The following MKLN1 variants were observed in gnomAD, a reference collection of about 807,000 sequenced individuals.
MKLN1 encodes muskelin 1, also known as muskelin.
In MKLN1, 18 loss-of-function variants were observed where a neutral mutation model predicts 99.0. The ratio of observed to expected loss-of-function variants is 0.18; its 90% CI spans 0.13 to 0.27. The LOEUF (loss-of-function observed/expected upper bound fraction) is 0.27. MKLN1 is among the 10% of genes least tolerant of loss of function. MKLN1 has a pLI of 1.00. For missense variants in MKLN1, 621 were observed against 875.9 expected, an observed-to-expected ratio of 0.71 and a Z score of 3.67; for synonymous variants, 288 against 293.2, an observed-to-expected ratio of 0.98 and a Z score of 0.18.
chr7:131,270,501 C>A (rs35722043), intron 3 of MKLN1, among the ~76,000 whole-genome samples: 57,928 of 152,096 alleles, frequency 0.38, 12,795 homozygotes, highest in African/African-American at 0.61. Flanking sequence ...GATTATAGGC[C>A]TGAGCCACCG....
At chr7:131,228,493 C>A (rs888882573) in intron 3 of MKLN1, among the ~76,000 whole-genome samples, 1 of 152,206 alleles carries the variant, frequency 6.6e-6, no homozygotes, top group Admixed American at 6.5e-5. Context: ...TGGAGTCAGG[C>A]AGATTTGGGT....
intron 1 of MKLN1, among the ~76,000 whole-genome samples, chr7:131,349,372 T>A (rs1799654250): frequency 6.6e-6 from 1 of 152,120 alleles, no homozygotes; most frequent in South Asian, 2.1e-4. Flanking sequence ...ATTTTTTGTA[T>A]TTTTAGTAGA....
Position 131,309,432 on chromosome 7 carries a change from C to T in MKLN1, c.-178-65992C>T, listed in dbSNP as rs949936246. On this transcript the variant is annotated intron_variant, in intron 3 of 7. Transcript: ENST00000416992. The stretch of plus-strand genomic sequence containing the variant: ...ATTTTTTTTTTTGGAGGCAGTTTCA[C>T]TCTTGTCACCCATGCTGGAGTGCAA... Among the ~76,000 whole-genome samples, 10 of 151,932 alleles carry T rather than the reference C, an allele frequency of 6.6e-5. 1 individual carries two copies. The South Asian group carries it at 2.1e-3, about 32-fold the overall frequency.
chr7:131,236,514 A>T (rs1004230894), intron 3 of MKLN1, among the ~76,000 whole-genome samples: 8 of 152,154 alleles, frequency 5.3e-5, no homozygotes, highest in African/African-American at 1.9e-4. Flanking sequence ...TACAAAAATT[A>T]GCTGGGCATG....
At chr7:131,262,625 A>T (rs1797749189) in intron 3 of MKLN1, among the ~76,000 whole-genome samples, 1 of 151,202 alleles carries the variant, frequency 6.6e-6, no homozygotes, top group Admixed American at 6.6e-5. Context: ...ATCTCCGCTC[A>T]CTGCAACCTC....
At chr7:131,122,419 T>C (rs1324297088) in intron 1 of MKLN1, among the ~76,000 whole-genome samples, 1 of 152,208 alleles carries the variant, frequency 6.6e-6, no homozygotes, top group African/African-American at 2.4e-5. Flanking sequence ...AGAAAACATT[T>C]TGAGAAGTGA....
intron 3 of MKLN1, among the ~76,000 whole-genome samples, chr7:131,279,890 C>T (rs2116576018): frequency 6.6e-6 from 1 of 152,252 alleles, no homozygotes; most frequent in East Asian, 1.9e-4. Flanking sequence ...TCACAACTAT[C>T]TAATTTTACA....
rs1797472343 is a variant in MKLN1, at chr7:131,493,286, G to T, written c.*5558G>T. 6.6e-6 allele frequency: 1 copy of T among 152,116 alleles called. No individual in the cohort carries two copies. Among genetic ancestry groups the T allele is most frequent in the Non-Finnish European group, 1.5e-5 (1 of 68,032 alleles). 9.4% of individuals were successfully genotyped at this position (152,116 alleles called of 1,614,324 possible). On this transcript the variant is annotated 3_prime_UTR_variant, in exon 18 of 18. Coordinates refer to ENST00000352689, the MANE Select transcript of MKLN1 (RefSeq NM_013255.5). ...CAAAGTCCTATTTTGCTTATCTAAGGCATTTTGACTTGGAAGTATTAAACT... is the reference window on the plus strand; with the variant it reads ...CAAAGTCCTATTTTGCTTATCTAAGTCATTTTGACTTGGAAGTATTAAACT...
intron 16 of MKLN1, 143 bp from the exon 17 acceptor site, chr7:131,478,480 A>G: frequency 2.9e-6 from 2 of 679,930 alleles, no homozygotes; most frequent in Non-Finnish European, 4.3e-6. Context: ...TCTTGCCACT[A>G]TTTGGTGAAT....
rs556008009 is a variant in MKLN1 at position 131,157,014 on chromosome 7, G to A, written c.-297+14073G>A. 1.1e-4 allele frequency among the ~76,000 whole-genome samples: 16 copies of A among 152,200 alleles called. No homozygotes were observed. The South Asian group carries it at 2.9e-3, about 28-fold the overall frequency. ...TCAAGCCTCAACTGTCATTGTCGCC[G>A]CTACTGAGGGTTGCTGTGGTTGTCT... On this transcript the variant is annotated intron_variant, in intron 2 of 7. Transcript: ENST00000416992.
chr7:131,154,330 C>T (rs1795933776), intron 2 of MKLN1, among the ~76,000 whole-genome samples: 1 of 152,138 alleles, frequency 6.6e-6, no homozygotes, highest in African/African-American at 2.4e-5. Flanking sequence ...GATCCACCCG[C>T]CTTGGCCTCC....
At chr7:131,372,721 GTTT>G (rs551063120) in intron 1 of MKLN1, among the ~76,000 whole-genome samples, 5 of 130,562 alleles carry the variant, frequency 3.8e-5, no homozygotes, top group Non-Finnish European at 3.3e-5. Context: ...TATCCCCTAG[GTTT>G]TTTTTTTTTT....
At chr7:131,380,230 A>G (rs1793802588) in intron 2 of MKLN1, among the ~76,000 whole-genome samples, 1 of 152,126 alleles carries the variant, frequency 6.6e-6, no homozygotes, top group African/African-American at 2.4e-5. Flanking sequence ...TAGAAGATAT[A>G]CTTTTTTAGG....
intron 1 of MKLN1, among the ~76,000 whole-genome samples, chr7:131,110,482 T>A (rs1020827178): frequency 1.1e-4 from 16 of 152,126 alleles, no homozygotes; most frequent in African/African-American, 3.6e-4. Flanking sequence ...GTTTGAGAAG[T>A]ATCAGCCCAT....
chr7:131,284,893 G>A (rs1798109678), intron 3 of MKLN1, among the ~76,000 whole-genome samples: 1 of 152,230 alleles, frequency 6.6e-6, no homozygotes. Flanking sequence ...TGACCAGCCA[G>A]CAGGCTCCAG....
intron 3 of MKLN1, among the ~76,000 whole-genome samples, chr7:131,300,687 C>CAAAAAAAAAAAAAAACAACCAA (rs35187256): frequency 8.4e-6 from 1 of 118,748 alleles, no homozygotes; most frequent in African/African-American, 3.3e-5. Flanking sequence ...GACCCTGTCT[C>CAAAAAAAAAAAAAAACAACCAA]AAAAAAAAAA....
chr7:131,329,721 C>T (rs562796957), intron 1 of MKLN1, among the ~76,000 whole-genome samples: 1 of 152,288 alleles, frequency 6.6e-6, no homozygotes, highest in East Asian at 1.9e-4. Flanking sequence ...ACATTTCAAG[C>T]AGGAAATGAT....
intron 1 of MKLN1, among the ~76,000 whole-genome samples, chr7:131,112,172 G>A (rs1036429533): frequency 6.6e-6 from 1 of 152,220 alleles, no homozygotes; most frequent in Non-Finnish European, 1.5e-5. Flanking sequence ...TAATGGCATC[G>A]ATAGCCTGGA....
At chr7:131,171,464 CTT>C (rs111266777) in intron 2 of MKLN1, among the ~76,000 whole-genome samples, 1 of 148,760 alleles carries the variant, frequency 6.7e-6, no homozygotes. Context: ...ATTTTTCTTT[CTT>C]TTTTTTTTGG....
Sources: allele counts gnomAD v4.1 joint callset (sites outside exome capture counted in the v4.1 genomes callset), GRCh38; gene constraint gnomAD v4.1.1; transcripts MANE v1.5; gene names NCBI Gene and HGNC (gene_info 2026-07-23, HGNC 2026-07-21).